LRRC63: variants seen among roughly 807,000 people sequenced by gnomAD.
LRRC63 encodes the protein leucine-rich repeat-containing protein 63.
LRRC63 carries 40 observed loss-of-function variants against 49.5 expected under a neutral mutation model. The observed-to-expected ratio is 0.81, with a 90% confidence interval of 0.63 to 1.05. The LOEUF (loss-of-function observed/expected upper bound fraction) is 1.05, where lower values mean the gene tolerates loss of function less well. Among genes scored for constraint, LRRC63 ranks in the 50% least tolerant of loss-of-function variants. The pLI, the probability that LRRC63 is intolerant of heterozygous loss-of-function variation, is 0.00. For missense variants in LRRC63, 636 were observed against 663.1 expected, an observed-to-expected ratio of 0.96 and a Z score of 0.45; for synonymous variants, 191 against 221.1, an observed-to-expected ratio of 0.86 and a Z score of 1.21.
chr13:46,272,634 T>C (rs774274354), intron 9 of LRRC63, among the ~76,000 whole-genome samples: 2 of 152,308 alleles, frequency 1.3e-5, no homozygotes, highest in African/African-American at 4.8e-5. Context: ...CTTATAGAAA[T>C]AGTTACATGT....
At chr13:46,228,608 C>G in intron 3 of LRRC63, 57 bp from the exon 4 acceptor site, 1 of 1,033,250 alleles carries the variant, frequency 9.7e-7, no homozygotes, top group Non-Finnish European at 1.5e-6. Flanking sequence ...TCATAAAACC[C>G]TCAAGTGAAT....
chr13:46,225,961 C>G (rs78552415), intron 2 of LRRC63, among the ~76,000 whole-genome samples: 5,116 of 151,550 alleles, frequency 0.034, 295 homozygotes, highest in African/African-American at 0.12. Context: ...TTTTTTTACT[C>G]TCTTTTTCTA....
chr13:46,249,151 G>T (rs148115435), intron 6 of LRRC63, among the ~76,000 whole-genome samples: 1,727 of 151,730 alleles, frequency 0.011, 19 homozygotes, highest in South Asian at 0.023. Flanking sequence ...TACTCAGAGG[G>T]AAACTTATAG....
At chr13:46,266,617 T>C (rs2047687403) in intron 8 of LRRC63, 116 bp from the exon 9 acceptor site, 8 of 765,808 alleles carry the variant, frequency 1.0e-5, no homozygotes, top group Non-Finnish European at 1.6e-5. Flanking sequence ...AAATTCATAC[T>C]TGTATTTTAT....
At chr13:46,237,562 T>A (rs2046937993) in intron 5 of LRRC63, among the ~76,000 whole-genome samples, 1 of 150,192 alleles carries the variant, frequency 6.7e-6, no homozygotes, top group Admixed American at 6.6e-5. Context: ...GCAAACTAAA[T>A]CCAAAGCTAA....
At chr13:46,250,659 A>T (rs994707358) in intron 7 of LRRC63, among the ~76,000 whole-genome samples, 168 bp downstream of exon 7, 1 of 152,090 alleles carries the variant, frequency 6.6e-6, no homozygotes, top group East Asian at 1.9e-4. Flanking sequence ...CAATCCTACC[A>T]GCTACATACA....
chr13:46,276,614 T>C, exon 10 of LRRC63: 1 of 1,231,160 alleles, frequency 8.1e-7, no homozygotes, highest in Non-Finnish European at 1.0e-6. Flanking sequence ...AATGGTGTCA[T>C]GGTCCCAAGT....
At chr13:46,266,756 A>G (rs2047689015) in exon 9 of LRRC63, 2 of 1,547,678 alleles carry the variant, frequency 1.3e-6, no homozygotes, top group Middle Eastern at 1.7e-4. Flanking sequence ...CTGACTGTTG[A>G]TGGGAATGAA....
Position 46,266,702 on chromosome 13 carries a change from C to G in LRRC63, c.1311-31C>G, listed in dbSNP as rs184034829. 861 of 1,495,138 alleles carry G rather than the reference C, an allele frequency of 5.8e-4. 8 individuals carry two copies. In the African/African-American group the frequency reaches 0.011, roughly 20 times the overall value. 92.6% of individuals were successfully genotyped at this position (1,495,138 alleles called of 1,614,324 possible). On this transcript the variant is annotated intron_variant, in intron 8 of 9. Transcript: ENST00000595396. ...CTTTAATATTATGAATTGTATAATA[C>G]CTTTTAAAGTGTGGTTTCCTTTATT...
chr13:46,226,595 C>G (rs944903141), intron 2 of LRRC63, among the ~76,000 whole-genome samples: 1 of 152,184 alleles, frequency 6.6e-6, no homozygotes, highest in Non-Finnish European at 1.5e-5. Flanking sequence ...TATAAAAAGT[C>G]TCCCTCACTT....
At chr13:46,223,178 T>A (rs1305926071) in intron 2 of LRRC63, among the ~76,000 whole-genome samples, 3 of 151,730 alleles carry the variant, frequency 2.0e-5, no homozygotes, top group South Asian at 2.1e-4. Flanking sequence ...AACCTGCACA[T>A]TGTGCACATG....
chr13:46,234,148 T>C, intron 4 of LRRC63, 44 bp from the exon 5 acceptor site: 2 of 1,487,200 alleles, frequency 1.3e-6, no homozygotes, highest in South Asian at 2.5e-5. Context: ...TTCTAAGTGA[T>C]AACACATTTA....
At chr13:46,259,948 TAAATC>T (rs1462199358) in intron 7 of LRRC63, among the ~76,000 whole-genome samples, 1 of 152,322 alleles carries the variant, frequency 6.6e-6, no homozygotes, top group East Asian at 1.9e-4. Context: ...AATTTGCTAA[TAAATC>T]AAGCAATGAA....
chr13:46,220,880 A>G (rs979940317), intron 2 of LRRC63, among the ~76,000 whole-genome samples: 2 of 152,062 alleles, frequency 1.3e-5, no homozygotes, highest in African/African-American at 4.8e-5. Flanking sequence ...CGGACCCCTT[A>G]TGCTTCCCAG....
At chr13:46,216,309 G>A (rs576685635) in intron 2 of LRRC63, among the ~76,000 whole-genome samples, 41 of 152,120 alleles carry the variant, frequency 2.7e-4, no homozygotes, top group Non-Finnish European at 5.1e-4. Context: ...GTGGTTTGTA[G>A]TTCTCCTTGA....
chr13:46,229,662 C>A (rs1010194085), intron 4 of LRRC63, among the ~76,000 whole-genome samples: 1 of 152,134 alleles, frequency 6.6e-6, no homozygotes, highest in Non-Finnish European at 1.5e-5. Flanking sequence ...TGGAGTGCAG[C>A]TGTAGTCTCA....
intron 5 of LRRC63, among the ~76,000 whole-genome samples, chr13:46,236,863 A>G (rs549246029): frequency 6.6e-6 from 1 of 152,320 alleles, no homozygotes; most frequent in Admixed American, 6.5e-5. Flanking sequence ...TTATAAATGT[A>G]TATTAATGGA....
At chr13:46,226,194 G>T (rs948771322) in intron 2 of LRRC63, among the ~76,000 whole-genome samples, 1 of 151,828 alleles carries the variant, frequency 6.6e-6, no homozygotes, top group African/African-American at 2.4e-5. Context: ...ATGTTGCCCA[G>T]GCTGGTCTTG....
intron 7 of LRRC63, among the ~76,000 whole-genome samples, chr13:46,259,443 T>C (rs7983882): frequency 0.46 from 69,283 of 151,932 alleles, 16,537 homozygotes; most frequent in East Asian, 0.61. Flanking sequence ...AAAAATGACA[T>C]AGGAAATAGC....
Sources: gnomAD v4.1 joint callset for allele counts (sites outside exome capture counted in the v4.1 genomes callset) on GRCh38, gnomAD v4.1.1 for gene constraint, MANE v1.5 for transcripts, NCBI Gene and HGNC (gene_info 2026-07-23, HGNC 2026-07-21) for gene names.